The following COLEC12 variants were observed in gnomAD, a reference collection of about 807,000 sequenced individuals.
COLEC12 encodes collectin-12.
Under a neutral mutation model 71.1 loss-of-function variants are expected in COLEC12, and 33 were observed. That is an observed-to-expected ratio of 0.46 (90% CI 0.35 to 0.62). The LOEUF (loss-of-function observed/expected upper bound fraction) is 0.62, where lower values mean the gene tolerates loss of function less well. COLEC12 is among the 20% of genes least tolerant of loss of function. COLEC12 has a pLI of 0.00. For missense variants in COLEC12, 765 were observed against 916.1 expected (o/e 0.84, Z 2.13); for synonymous variants, 350 against 353.0 (o/e 0.99, Z 0.10).
chr18:359,447 C>T (rs539101805), intron 2 of COLEC12, among the ~76,000 whole-genome samples: 2 of 152,214 alleles, frequency 1.3e-5, no homozygotes, highest in South Asian at 2.1e-4. Flanking sequence ...CAGACAGTGA[C>T]CCTTATATTA....
At chr18:478,911 A>ACTTG (rs35536813) in intron 2 of COLEC12, among the ~76,000 whole-genome samples, 1 of 125,500 alleles carries the variant, frequency 8.0e-6, no homozygotes, top group African/African-American at 3.4e-5. Context: ...CCCACGCATA[A>ACTTG]ATGTACTTTT....
Position 347,293 on chromosome 18 carries a change from G to A in COLEC12, c.329C>T (p.Thr110Ile), listed in dbSNP as rs149126223. ...KAISTNSELS[T>I]FRSDILDLRQ... is the part of the protein sequence containing the mutation. ...GAGATCTAGAATGTCTGATCTGAAG[G>A]TGGAGAGTTCTGAGTTGGTGCTGAT... is the stretch of plus-strand genomic sequence containing the variant. Residue 110 changes from threonine (T) to isoleucine (I), a missense_variant, in exon 5 of 10, where the codon ACC becomes ATC. By Grantham distance (89) the Thr-to-Ile change is moderately conservative. Transcript: ENST00000400256. 185 of 1,614,064 alleles carry A rather than the reference G, an allele frequency of 1.1e-4. No individual in the cohort carries two copies. Among genetic ancestry groups the A allele is most frequent in the Non-Finnish European group, 1.5e-4 (182 of 1,180,042 alleles).
chr18:365,114 A>T (rs943281890), intron 2 of COLEC12, among the ~76,000 whole-genome samples: 2 of 152,214 alleles, frequency 1.3e-5, no homozygotes, highest in Non-Finnish European at 2.9e-5. Context: ...ATCCTTTCAC[A>T]TGTTGATAGA....
In COLEC12 at chr18:362,293, C is replaced by G. The variant is rs956293273; in HGVS notation, c.59-4771G>C. ...AGATGGCACTGCCTGGCCTCCCTTTCCACTTGACACGCTTTCTCTGTCTTG... is the reference window on the plus strand; with the variant it reads ...AGATGGCACTGCCTGGCCTCCCTTTGCACTTGACACGCTTTCTCTGTCTTG... On this transcript the variant is annotated intron_variant, in intron 2 of 9. Coordinates refer to ENST00000400256, the MANE Select transcript of COLEC12 (RefSeq NM_130386.3). This position sits in a 1 kb window ranked among gnomAD's most constrained non-coding sequence, Gnocchi z 4.6. Among the ~76,000 whole-genome samples the G allele has an allele frequency of 2.0e-5, 3 of 152,306 alleles. No individual in the cohort carries two copies. Among genetic ancestry groups the G allele is most frequent in the Non-Finnish European group, 4.4e-5 (3 of 68,018 alleles).
intron 2 of COLEC12, among the ~76,000 whole-genome samples, chr18:434,346 C>A (rs1205101855): frequency 1.3e-5 from 2 of 152,180 alleles, no homozygotes; most frequent in Non-Finnish European, 2.9e-5. Flanking sequence ...TTTAAAATTG[C>A]AGGTATTTTT....
At chr18:320,909 T>G (rs1913687493) in intron 9 of COLEC12, among the ~76,000 whole-genome samples, 1 of 152,226 alleles carries the variant, frequency 6.6e-6, no homozygotes, top group Non-Finnish European at 1.5e-5. Context: ...TATGAGCTGA[T>G]AAGCAGCACA....
At chr18:499,805 C>T (rs747630767) in intron 1 of COLEC12, among the ~76,000 whole-genome samples, 1 of 152,218 alleles carries the variant, frequency 6.6e-6, no homozygotes, top group Admixed American at 6.5e-5. Context: ...TTCCATAAAC[C>T]GGCCTGCAGA....
chr18:486,541 A>G (rs1156926953), intron 1 of COLEC12, among the ~76,000 whole-genome samples: 1 of 152,178 alleles, frequency 6.6e-6, no homozygotes, highest in East Asian at 1.9e-4. Flanking sequence ...GAGAAATTAC[A>G]TTAATTTGAC....
At chr18:485,752 A>C (rs1429520617) in intron 1 of COLEC12, among the ~76,000 whole-genome samples, 1 of 152,238 alleles carries the variant, frequency 6.6e-6, no homozygotes, top group Non-Finnish European at 1.5e-5. Flanking sequence ...AGAGTCATCC[A>C]CATTAACATG....
In COLEC12 at chr18:479,799, G is replaced by A. The variant is rs142382054; in HGVS notation, c.58+908C>T. Among the ~76,000 whole-genome samples, 434 of 151,964 alleles carry A rather than the reference G, an allele frequency of 2.9e-3. 2 individuals carry two copies. The highest frequency in any genetic ancestry group is 0.01 in the Middle Eastern group (3 of 292). ...GGGTGTGTATGAGTTTCCTGCGGCT[G>A]CTGTAAAAGGTTACCACGAACGTGC... is the stretch of plus-strand genomic sequence containing the variant. On this transcript the variant is annotated intron_variant, in intron 2 of 9. Transcript: ENST00000400256.
chr18:425,394 C>T (rs556060125), intron 2 of COLEC12, among the ~76,000 whole-genome samples: 1 of 152,260 alleles, frequency 6.6e-6, no homozygotes, highest in South Asian at 2.1e-4. Flanking sequence ...TTCAGTGTCA[C>T]ATCCTAGACT....
chr18:320,057 T>C lies in COLEC12; in HGVS notation c.2217A>G (p.Ser739=), dbSNP rs766401554. 4 of 1,554,684 alleles carry C rather than the reference T, an allele frequency of 2.6e-6. No individual in the cohort carries two copies. The highest frequency in any genetic ancestry group is 1.2e-5 in the South Asian group (1 of 85,582). ...ICEKDRETVL[S]SAL Reference sequence around the variant, plus strand: ...CCATCACAGTCCGTTATAATGCAGATGACAGTACTAAAAGAGAGAAATAAG... The same window carrying C: ...CCATCACAGTCCGTTATAATGCAGACGACAGTACTAAAAGAGAGAAATAAG... Residue 739 remains serine (S), a synonymous_variant, in exon 10 of 10, where the codon TCA becomes TCG. Transcript: ENST00000400256.
intron 3 of COLEC12, among the ~76,000 whole-genome samples, chr18:354,895 C>T (rs1914597853): frequency 6.6e-6 from 1 of 152,142 alleles, no homozygotes; most frequent in Admixed American, 6.5e-5. Flanking sequence ...CCCCACAGAG[C>T]AGGCCAAGCC....
chr18:497,126 T>C (rs1489009166), intron 1 of COLEC12, among the ~76,000 whole-genome samples: 1 of 152,148 alleles, frequency 6.6e-6, no homozygotes. Context: ...TTTTGGTACT[T>C]GTGACTCCAG....
intron 6 of COLEC12, 113 bp from the exon 7 acceptor site, chr18:333,256 G>A (rs1334825668): frequency 1.1e-5 from 9 of 846,256 alleles, no homozygotes; most frequent in Admixed American, 8.3e-5. Flanking sequence ...CAGCCTGAGC[G>A]TCCCTGCACG....
At chr18:341,332 T>C (rs1468220013) in intron 5 of COLEC12, among the ~76,000 whole-genome samples, 1 of 152,190 alleles carries the variant, frequency 6.6e-6, no homozygotes, top group Non-Finnish European at 1.5e-5. Flanking sequence ...CCCCCGCAAA[T>C]GGGGAATGTC....
rs1212002742 is a variant in COLEC12, at chr18:334,804, G to A, written c.1754C>T (p.Pro585Leu). ...GPKGPPGPPG[P>L]SGAVVPLALQ... is the part of the protein sequence containing the mutation. The stretch of plus-strand genomic sequence containing the variant: ...GGCCAGGGGCACCACCGCTCCTGAT[G>A]GGCCAGGAGGGCCGGGGGGGCCCTT... Residue 585 changes from proline to leucine, a missense_variant, in exon 6 of 10, where the codon CCA (proline) becomes CTA (leucine). Coordinates refer to ENST00000400256, the MANE Select transcript of COLEC12 (RefSeq NM_130386.3). The A allele has an allele frequency of 6.6e-7, 1 of 1,505,334 alleles. No individual in the cohort carries two copies. Among genetic ancestry groups the A allele is most frequent in the Admixed American group, 2.5e-5 (1 of 39,284 alleles). The allele number at this position is 1,505,334 out of a possible 1,614,324, so 93.2% of individuals were successfully genotyped here.
chr18:479,237 C>G (rs185383198), intron 2 of COLEC12, among the ~76,000 whole-genome samples: 342 of 152,204 alleles, frequency 2.2e-3, no homozygotes, highest in African/African-American at 5.0e-3. Context: ...ATGGTCTCAT[C>G]GCAGAAACAT....
chr18:445,334 G>T (rs1301701524), intron 2 of COLEC12, among the ~76,000 whole-genome samples: 1 of 152,182 alleles, frequency 6.6e-6, no homozygotes, highest in East Asian at 1.9e-4. Flanking sequence ...GTAACTTGCA[G>T]ATGTTGCCTA....
Sources: gnomAD v4.1 joint callset for allele counts (sites outside exome capture counted in the v4.1 genomes callset) on GRCh38, gnomAD v4.1.1 for gene constraint, Gnocchi (gnomAD v3.1) non-coding constraint, MANE v1.5 for transcripts, NCBI Gene and HGNC (gene_info 2026-07-23, HGNC 2026-07-21) for gene names.